The following POU2F2 variants were observed in gnomAD, a reference collection of about 807,000 sequenced individuals.
The protein encoded by POU2F2 is POU class 2 homeobox 2.
In POU2F2, 14 loss-of-function variants were observed where a neutral mutation model predicts 63.5. The observed-to-expected ratio is 0.22, with a 90% confidence interval of 0.15 to 0.34. The LOEUF (loss-of-function observed/expected upper bound fraction) is 0.34. Among genes scored for constraint, POU2F2 ranks in the 10% least tolerant of loss-of-function variants. POU2F2 has a pLI of 1.00. For missense variants in POU2F2, 607 were observed against 815.2 expected (o/e 0.74, Z 3.11); for synonymous variants, 306 against 348.6 (o/e 0.88, Z 1.36).
chr19:42,097,532 G>A (rs1455355177), intron 7 of POU2F2, among the ~76,000 whole-genome samples: 11 of 150,058 alleles, frequency 7.3e-5, no homozygotes, highest in African/African-American at 2.0e-4. Context: ...AAGGACAGCC[G>A]AGTGCAATGG....
intron 5 of POU2F2, among the ~76,000 whole-genome samples, chr19:42,115,932 T>C (rs1178765109): frequency 6.6e-6 from 1 of 152,100 alleles, no homozygotes; most frequent in Non-Finnish European, 1.5e-5. Context: ...AAGATGGCCA[T>C]GTGACGACAG....
chr19:42,118,621 T>C (rs920350160), intron 4 of POU2F2, among the ~76,000 whole-genome samples: 1 of 152,222 alleles, frequency 6.6e-6, no homozygotes, highest in African/African-American at 2.4e-5. Context: ...CCTTGCACCA[T>C]ACACACAGAA....
intron 4 of POU2F2, 131 bp downstream of exon 4, chr19:42,121,995 A>AG (rs1325407344): frequency 1.1e-6 from 1 of 949,254 alleles, no homozygotes. Flanking sequence ...AAGAGTGAGA[A>AG]GGGGCGGGAG....
chr19:42,177,920 G>A (rs926762604), upstream of POU2F2, among the ~76,000 whole-genome samples: 2 of 151,822 alleles, frequency 1.3e-5, no homozygotes, highest in Non-Finnish European at 2.9e-5. Flanking sequence ...GAGACACAGA[G>A]ACACACAGAA....
intron 1 of POU2F2, among the ~76,000 whole-genome samples, chr19:42,164,581 A>C (rs924507989): frequency 4.6e-5 from 7 of 152,130 alleles, no homozygotes; most frequent in African/African-American, 1.4e-4. Context: ...AAAAAAAAAA[A>C]AAATCTGAGT....
chr19:42,099,642 C>G, intron 6 of POU2F2, 24 bp from the exon 7 acceptor site: 1 of 1,607,950 alleles, frequency 6.2e-7, no homozygotes, highest in Non-Finnish European at 8.5e-7. Context: ...GGGAAATACA[C>G]AGGGTGAGGG....
chr19:42,176,617 C>T (rs1349818546), upstream of POU2F2, among the ~76,000 whole-genome samples: 1 of 152,126 alleles, frequency 6.6e-6, no homozygotes, highest in Non-Finnish European at 1.5e-5. Flanking sequence ...TTTCCTCTCC[C>T]TCTTCACCTC....
chr19:42,143,573 A>G (rs1224152978), intron 2 of POU2F2, among the ~76,000 whole-genome samples: 1 of 152,148 alleles, frequency 6.6e-6, no homozygotes, highest in East Asian at 1.9e-4. Context: ...TAACGACCCA[A>G]GCCTGGGAGG....
At chr19:42,140,899 A>ATTT (rs2034114561) in intron 2 of POU2F2, among the ~76,000 whole-genome samples, 1 of 152,132 alleles carries the variant, frequency 6.6e-6, no homozygotes, top group Non-Finnish European at 1.5e-5. Context: ...ACCCAAGTGG[A>ATTT]TATGGTGCCT....
At position 42,122,294 on chromosome 19, in the gene POU2F2, C is replaced by T. The variant is rs764584777; in HGVS notation, c.129+50G>A. Reference sequence around the variant, plus strand: ...GGCGGCACAGAGCCCCCTCTGAACCCCTCTCCCCATTCCTTCCCACCCCCT... The same window carrying T: ...GGCGGCACAGAGCCCCCTCTGAACCTCTCTCCCCATTCCTTCCCACCCCCT... On this transcript the variant is annotated intron_variant, in intron 3 of 14. Coordinates refer to ENST00000692977, the MANE Select transcript of POU2F2 (RefSeq NM_001394376.1). The T allele has an allele frequency of 4.5e-6, 7 of 1,569,122 alleles. No homozygotes were observed. In the South Asian group the frequency reaches 6.9e-5, roughly 15 times the overall value.
chr19:42,101,089 GAGCAAGA>G (rs908189566), intron 5 of POU2F2, among the ~76,000 whole-genome samples: 4 of 152,176 alleles, frequency 2.6e-5, no homozygotes, highest in African/African-American at 9.7e-5. Context: ...CTGGGTGACA[GAGCAAGA>G]CTCTGTCTCA....
At chr19:42,100,734 G>C (rs1211101548) in intron 5 of POU2F2, among the ~76,000 whole-genome samples, 1 of 152,044 alleles carries the variant, frequency 6.6e-6, no homozygotes, top group Admixed American at 6.6e-5. Flanking sequence ...CTGGGTGACA[G>C]AGCAAGACTC....
At chr19:42,150,634 T>TC (rs1555731399) in intron 2 of POU2F2, among the ~76,000 whole-genome samples, 6 of 139,940 alleles carry the variant, frequency 4.3e-5, no homozygotes, top group African/African-American at 1.5e-4. Flanking sequence ...CGAGCCGCCC[T>TC]CCCCCCTGCA....
At chr19:42,176,439 A>G (rs947776450), upstream of POU2F2, among the ~76,000 whole-genome samples, 1 of 150,978 alleles carries the variant, frequency 6.6e-6, no homozygotes, top group African/African-American at 2.4e-5. Context: ...CTCTTTCTCT[A>G]GTCTGCGCTC....
chr19:42,136,310 A>C (rs1387455458), upstream of POU2F2, among the ~76,000 whole-genome samples: 1 of 149,076 alleles, frequency 6.7e-6, no homozygotes, highest in Non-Finnish European at 1.5e-5. Context: ...TCAGCCTCCC[A>C]GATAGCTGGG....
At position 42,152,226 on chromosome 19, in the gene POU2F2, C is replaced by A. The variant is rs909685433; in HGVS notation, c.-9+8106G>T. Among the ~76,000 whole-genome samples, 3 of 152,126 alleles carry A rather than the reference C, an allele frequency of 2.0e-5. No individual in the cohort carries two copies. Among genetic ancestry groups the A allele is most frequent in the African/African-American group, 2.4e-5 (1 of 41,434 alleles). ...CTCCAAAGAGACAGAAGGAAACAGG[C>A]AGATCTTCTGTGCTTAAATTCTCCT... On this transcript the variant is annotated intron_variant, in intron 2 of 6. Coordinates refer to the POU2F2 transcript ENST00000524801. The surrounding 1 kb of genome is among the most constrained non-coding windows in gnomAD (Gnocchi z 4.1).
Position 42,091,094 on chromosome 19 carries a change from C to CT in POU2F2, c.*162dup, listed in dbSNP as rs60030513. 0.048 allele frequency: 17,185 copies of CT among 359,300 alleles called. 93 individuals are homozygous for CT. The highest frequency in any genetic ancestry group is 0.073 in the African/African-American group (2,630 of 35,998). 22.3% of individuals were successfully genotyped at this position (359,300 alleles called of 1,614,324 possible). On this transcript the variant is annotated 3_prime_UTR_variant, in exon 15 of 15. Transcript: ENST00000692977. ...TCTCTTTTGTTGGTTAGTTTCTTTC[C>CT]TTTTTTTTTTTTTTTTTGGTTGGTT...
chr19:42,112,847 G>A (rs1367192648), intron 5 of POU2F2, among the ~76,000 whole-genome samples: 1 of 152,114 alleles, frequency 6.6e-6, no homozygotes, highest in Non-Finnish European at 1.5e-5. Context: ...TCAGCCACCT[G>A]GACTTGGGCT....
intron 1 of POU2F2, among the ~76,000 whole-genome samples, chr19:42,126,985 C>T (rs930292739): frequency 7.2e-5 from 11 of 152,130 alleles, no homozygotes; most frequent in African/African-American, 1.4e-4. Context: ...GGCACAATCA[C>T]GGCTCACTGC....
Sources: allele counts gnomAD v4.1 joint callset (sites outside exome capture counted in the v4.1 genomes callset), GRCh38; gene constraint gnomAD v4.1.1; non-coding constraint Gnocchi (gnomAD v3.1); transcripts MANE v1.5; gene names NCBI Gene and HGNC (gene_info 2026-07-23, HGNC 2026-07-21).